SEMA5A: variants seen among roughly 807,000 people sequenced by gnomAD.
SEMA5A encodes the protein semaphorin 5A.
Under a neutral mutation model 135.5 loss-of-function variants are expected in SEMA5A, and 55 were observed. The observed-to-expected ratio is 0.41, with a 90% confidence interval of 0.33 to 0.51. The LOEUF (loss-of-function observed/expected upper bound fraction) is 0.51. Ranked by LOEUF, SEMA5A falls within the 20% of genes least tolerant of loss-of-function variation. The pLI is 0.37. For missense variants in SEMA5A, 1,290 were observed against 1,419.9 expected (o/e 0.91, Z 1.47); for synonymous variants, 580 against 546.5 (o/e 1.06, Z -0.85).
At chr5:9,507,456 T>C (rs901309084) in intron 1 of SEMA5A, among the ~76,000 whole-genome samples, 1 of 152,212 alleles carries the variant, frequency 6.6e-6, no homozygotes, top group Admixed American at 6.5e-5. Context: ...TCTCTTGTCA[T>C]ATATGCTTTT....
rs141575781 is a variant in SEMA5A, at chr5:9,358,743, G to A, written c.125-20931C>T. The stretch of plus-strand genomic sequence containing the variant: ...ATAAGTCATTCAGTGCACCCTCTAT[G>A]TTGAAAGAAACGAAGCTGGAAAATA... On this transcript the variant is annotated intron_variant, in intron 3 of 22. Coordinates refer to ENST00000382496, the MANE Select transcript of SEMA5A (RefSeq NM_003966.3). Among the ~76,000 whole-genome samples, 163 of 152,330 alleles carry A rather than the reference G, an allele frequency of 1.1e-3. 1 individual carries two copies. Among genetic ancestry groups the A allele is most frequent in the African/African-American group, 3.6e-3 (149 of 41,580 alleles).
At chr5:9,178,409 T>C (rs1043880533) in intron 11 of SEMA5A, among the ~76,000 whole-genome samples, 78 of 150,438 alleles carry the variant, frequency 5.2e-4, no homozygotes, top group African/African-American at 1.9e-3. Context: ...CTTGGGTCAC[T>C]GCAACTCCAT....
chr5:9,527,339 AG>A (rs1176078358), intron 1 of SEMA5A, among the ~76,000 whole-genome samples: 1 of 152,336 alleles, frequency 6.6e-6, no homozygotes, highest in East Asian at 1.9e-4. Context: ...GAGGCTCCAG[AG>A]GATCTGGAAG....
intron 5 of SEMA5A, among the ~76,000 whole-genome samples, chr5:9,312,711 A>T (rs974481707): frequency 5.3e-5 from 8 of 152,138 alleles, no homozygotes; most frequent in Non-Finnish European, 1.0e-4. Flanking sequence ...TCCACCAGTG[A>T]TGTTTCTAGT....
chr5:9,306,536 T>A (rs1160866464), intron 5 of SEMA5A, among the ~76,000 whole-genome samples: 1 of 152,202 alleles, frequency 6.6e-6, no homozygotes, highest in African/African-American at 2.4e-5. Flanking sequence ...TCTCCACTCT[T>A]TAATTAATCT....
chr5:9,259,008 G>A (rs1242718551), intron 5 of SEMA5A, among the ~76,000 whole-genome samples: 1 of 151,798 alleles, frequency 6.6e-6, no homozygotes, highest in African/African-American at 2.4e-5. Context: ...TTTTGGTAGA[G>A]GTGGGGTTTC....
chr5:9,233,050 T>C (rs1474893638), intron 6 of SEMA5A, among the ~76,000 whole-genome samples: 2 of 152,214 alleles, frequency 1.3e-5, no homozygotes, highest in Admixed American at 1.3e-4. Context: ...GGGAGAACAA[T>C]ATACATAGCT....
At chr5:9,187,160 A>G (rs760407246) in intron 11 of SEMA5A, among the ~76,000 whole-genome samples, 1 of 152,138 alleles carries the variant, frequency 6.6e-6, no homozygotes, top group Non-Finnish European at 1.5e-5. Flanking sequence ...TAAAATGTAT[A>G]TTATTATACC....
At chr5:9,137,292 A>G (rs1350192958) in intron 12 of SEMA5A, among the ~76,000 whole-genome samples, 2 of 152,246 alleles carry the variant, frequency 1.3e-5, no homozygotes, top group Non-Finnish European at 2.9e-5. Context: ...TTTCAATTTA[A>G]TAGTAATTTC....
chr5:9,136,375 A>C (rs6883525), intron 13 of SEMA5A, 129 bp downstream of exon 13: 206,295 of 701,394 alleles, frequency 0.29, 31,790 homozygotes, highest in Non-Finnish European at 0.32. Flanking sequence ...GAGAGAGCAC[A>C]GACTGGGTTT....
intron 12 of SEMA5A, among the ~76,000 whole-genome samples, chr5:9,141,568 C>CAG (rs941514758): frequency 6.6e-6 from 1 of 151,964 alleles, no homozygotes; most frequent in African/African-American, 2.4e-5. Flanking sequence ...TAATTTTTTT[C>CAG]AAAAACACAC....
chr5:9,262,688 T>C (rs1188967711), intron 5 of SEMA5A, among the ~76,000 whole-genome samples: 1 of 83,358 alleles, frequency 1.2e-5, no homozygotes, highest in East Asian at 3.5e-4. Context: ...TAGGTGGGAA[T>C]TGAACAATGA....
Position 9,107,777 on chromosome 5 carries a change from G to T in SEMA5A, c.2073+363C>A, listed in dbSNP as rs1021488680. 3.3e-5 allele frequency among the ~76,000 whole-genome samples: 5 copies of T among 152,102 alleles called. No homozygotes were observed. In the East Asian group the frequency reaches 9.6e-4, roughly 29 times the overall value. ...TGTTGTGTTTACAGAGCACTCAGTG[G>T]TTGCAGAACATCTAGTGTCTGCCAA... On this transcript the variant is annotated intron_variant, in intron 16 of 22. Coordinates refer to ENST00000382496, the MANE Select transcript of SEMA5A (RefSeq NM_003966.3).
intron 2 of SEMA5A, among the ~76,000 whole-genome samples, chr5:9,380,822 A>G (rs1270078931): frequency 6.6e-6 from 1 of 152,206 alleles, no homozygotes; most frequent in Non-Finnish European, 1.5e-5. Context: ...AAGGGAGAAT[A>G]CGACTGCTAC....
At chr5:9,352,218 C>T (rs1270514628) in intron 3 of SEMA5A, among the ~76,000 whole-genome samples, 1 of 152,098 alleles carries the variant, frequency 6.6e-6, no homozygotes, top group Non-Finnish European at 1.5e-5. Flanking sequence ...TGCAGTCCTA[C>T]ATGTCATCTG....
chr5:9,272,371 T>A (rs1750022412), intron 5 of SEMA5A, among the ~76,000 whole-genome samples: 1 of 152,002 alleles, frequency 6.6e-6, no homozygotes, highest in African/African-American at 2.4e-5. Context: ...GTCAGGGACT[T>A]ATAGATAAAA....
At chr5:9,287,180 G>A (rs1379380522) in intron 5 of SEMA5A, among the ~76,000 whole-genome samples, 2 of 152,292 alleles carry the variant, frequency 1.3e-5, no homozygotes, top group South Asian at 2.1e-4. Flanking sequence ...ACATGTGTAC[G>A]ATGGATACAG....
At chr5:9,159,368 T>A (rs1743125337) in intron 11 of SEMA5A, among the ~76,000 whole-genome samples, 1 of 152,198 alleles carries the variant, frequency 6.6e-6, no homozygotes, top group African/African-American at 2.4e-5. Flanking sequence ...ATTGTCCTTT[T>A]TTTCTATCCG....
intron 11 of SEMA5A, among the ~76,000 whole-genome samples, chr5:9,162,759 T>C (rs1027414116): frequency 1.3e-5 from 2 of 151,610 alleles, no homozygotes; most frequent in African/African-American, 4.9e-5. Flanking sequence ...TTTCAAACAG[T>C]CAAAGATATG....
Sources: allele counts gnomAD v4.1 joint callset (sites outside exome capture counted in the v4.1 genomes callset), GRCh38; gene constraint gnomAD v4.1.1; transcripts MANE v1.5; gene names NCBI Gene and HGNC (gene_info 2026-07-23, HGNC 2026-07-21).